BICD1: variants seen among roughly 807,000 people sequenced by gnomAD.
The protein encoded by BICD1 is protein bicaudal D homolog 1.
Under a neutral mutation model 92.5 loss-of-function variants are expected in BICD1, and 35 were observed. That is an observed-to-expected ratio of 0.38 (90% CI 0.29 to 0.50). The LOEUF (loss-of-function observed/expected upper bound fraction) is 0.50, where lower values mean the gene tolerates loss of function less well. Among genes scored for constraint, BICD1 ranks in the 20% least tolerant of loss-of-function variants. The pLI, the probability that BICD1 is intolerant of heterozygous loss-of-function variation, is 0.93. For missense variants in BICD1, 950 were observed against 1,189.8 expected (o/e 0.80, Z 2.97); for synonymous variants, 429 against 465.1 (o/e 0.92, Z 1.00).
intron 1 of BICD1, among the ~76,000 whole-genome samples, chr12:32,163,369 A>G (rs1319941916): frequency 6.6e-6 from 1 of 152,136 alleles, no homozygotes; most frequent in Non-Finnish European, 1.5e-5. Flanking sequence ...TATTTTTATT[A>G]TAAGACTAAT....
intron 1 of BICD1, among the ~76,000 whole-genome samples, chr12:32,206,777 A>G (rs1426463440): frequency 1.3e-5 from 2 of 152,204 alleles, no homozygotes; most frequent in Non-Finnish European, 2.9e-5. Flanking sequence ...TATGAAGTAT[A>G]TATCCAGTAG....
At chr12:32,215,955 A>G (rs972456241) in intron 1 of BICD1, among the ~76,000 whole-genome samples, 1 of 124,956 alleles carries the variant, frequency 8.0e-6, no homozygotes, top group African/African-American at 3.0e-5. Context: ...CTCCGTCTCA[A>G]AAAAAAAAAA....
chr12:32,215,953 C>CAA (rs56005523), intron 1 of BICD1, among the ~76,000 whole-genome samples: 4,984 of 67,652 alleles, frequency 0.074, 508 homozygotes, highest in East Asian at 0.34. Flanking sequence ...GACTCCGTCT[C>CAA]AAAAAAAAAA....
At chr12:32,369,135 A>C (rs1160784607) in intron 9 of BICD1, among the ~76,000 whole-genome samples, 1 of 152,258 alleles carries the variant, frequency 6.6e-6, no homozygotes, top group Non-Finnish European at 1.5e-5. Context: ...TGAACACTGA[A>C]CTGGAGAGTT....
intron 8 of BICD1, among the ~76,000 whole-genome samples, chr12:32,358,476 C>T (rs1046142054): frequency 2.6e-5 from 4 of 151,808 alleles, no homozygotes; most frequent in Admixed American, 1.3e-4. Flanking sequence ...CAGTGGCTCA[C>T]GCCTGTAATC....
chr12:32,372,504 C>T (rs1344292971), intron 9 of BICD1, among the ~76,000 whole-genome samples: 1 of 152,074 alleles, frequency 6.6e-6, no homozygotes, highest in Non-Finnish European at 1.5e-5. Flanking sequence ...TTTTGTACTT[C>T]CCTCGGTTTA....
chr12:32,215,902 C>T (rs1186113967), intron 1 of BICD1, among the ~76,000 whole-genome samples: 1 of 129,448 alleles, frequency 7.7e-6, no homozygotes, highest in Admixed American at 1.0e-4. Flanking sequence ...TGCAGTGATC[C>T]GAGATTGCAC....
intron 1 of BICD1, among the ~76,000 whole-genome samples, chr12:32,157,514 T>A (rs1402582830): frequency 6.6e-6 from 1 of 152,208 alleles, no homozygotes; most frequent in African/African-American, 2.4e-5. Context: ...GAGGTCCACA[T>A]ACTCTATGTG....
chr12:32,165,185 A>G (rs1037610958), intron 1 of BICD1, among the ~76,000 whole-genome samples: 1 of 152,180 alleles, frequency 6.6e-6, no homozygotes, highest in Non-Finnish European at 1.5e-5. Context: ...GATATTTGAA[A>G]AGAGATTCCA....
At chr12:32,254,094 C>CAT (rs1189256194) in intron 2 of BICD1, among the ~76,000 whole-genome samples, 3 of 130,480 alleles carry the variant, frequency 2.3e-5, no homozygotes, top group African/African-American at 2.9e-5. Flanking sequence ...CCATATTCCA[C>CAT]GTCATATTCA....
intron 1 of BICD1, among the ~76,000 whole-genome samples, chr12:32,194,951 A>G (rs1944684454): frequency 1.3e-5 from 2 of 152,106 alleles, no homozygotes; most frequent in South Asian, 2.1e-4. Flanking sequence ...AAGGTGAAAG[A>G]TCTGTACATT....
At chr12:32,329,788 T>G (rs748290437) in intron 5 of BICD1, among the ~76,000 whole-genome samples, 8 of 152,212 alleles carry the variant, frequency 5.3e-5, no homozygotes, top group Non-Finnish European at 8.8e-5. Context: ...CAGCCCTCCT[T>G]AATGACTGAA....
intron 8 of BICD1, among the ~76,000 whole-genome samples, chr12:32,366,191 A>G (rs747553127): frequency 1.3e-5 from 2 of 152,264 alleles, no homozygotes; most frequent in African/African-American, 4.8e-5. Context: ...TTATGTAACT[A>G]TATAGGCAGG....
intron 1 of BICD1, among the ~76,000 whole-genome samples, chr12:32,125,858 A>G (rs928146709): frequency 1.3e-5 from 2 of 148,786 alleles, no homozygotes; most frequent in African/African-American, 2.5e-5. Context: ...CCGGGGCAAC[A>G]TGGCAAGACC....
chr12:32,180,423 C>T lies in BICD1; in HGVS notation c.214-35824C>T, dbSNP rs184887501. 3.3e-5 allele frequency among the ~76,000 whole-genome samples: 5 copies of T among 152,014 alleles called. No individual in the cohort carries two copies. In the East Asian group the frequency reaches 9.6e-4, roughly 29 times the overall value. The stretch of plus-strand genomic sequence containing the variant: ...TCAGGTACACATTCTATTTATGATT[C>T]TGGGATTAGGCCTATTTTTTGGCAT... On this transcript the variant is annotated intron_variant, in intron 1 of 9. Coordinates refer to ENST00000652176, the MANE Select transcript of BICD1 (RefSeq NM_001714.4).
chr12:32,194,734 T>G (rs566752493), intron 1 of BICD1, among the ~76,000 whole-genome samples: 12 of 151,786 alleles, frequency 7.9e-5, no homozygotes, highest in Non-Finnish European at 1.5e-4. Flanking sequence ...ATACAAAAAA[T>G]TAGCCGGGCG....
Position 32,382,284 on chromosome 12 carries a change from T to C in BICD1, c.*4657T>C, listed in dbSNP as rs138639082. On this transcript the variant is annotated 3_prime_UTR_variant, in exon 10 of 10. Coordinates refer to ENST00000652176, the MANE Select transcript of BICD1 (RefSeq NM_001714.4). ...TTTAGTATTAAGACATGTTCCCCAA[T>C]TGAGAATTTTCCAGAATATTCTACT... 1.6e-3 allele frequency: 244 copies of C among 151,824 alleles called. 2 individuals are homozygous for C. Among genetic ancestry groups the C allele is most frequent in the African/African-American group, 5.5e-3 (229 of 41,560 alleles). 9.4% of individuals were successfully genotyped at this position (151,824 alleles called of 1,614,324 possible).
chr12:32,350,879 C>G (rs1938839395), intron 8 of BICD1, among the ~76,000 whole-genome samples: 1 of 152,194 alleles, frequency 6.6e-6, no homozygotes, highest in Non-Finnish European at 1.5e-5. Context: ...TTTGTCACCT[C>G]TCAGCCAATA....
chr12:32,203,222 A>G (rs1273187517), intron 1 of BICD1, among the ~76,000 whole-genome samples: 2 of 152,236 alleles, frequency 1.3e-5, no homozygotes, highest in African/African-American at 4.8e-5. Context: ...TTAAGTTATA[A>G]AAGGCAAAAC....
Sources: allele counts gnomAD v4.1 joint callset (sites outside exome capture counted in the v4.1 genomes callset), GRCh38; gene constraint gnomAD v4.1.1; transcripts MANE v1.5; gene names NCBI Gene and HGNC (gene_info 2026-07-23, HGNC 2026-07-21).